Variants in SOX13 observed in about 807,000 individuals in gnomAD.
SOX13 encodes the protein transcription factor SOX-13.
In SOX13, 28 loss-of-function variants were observed where a neutral mutation model predicts 71.8. The observed-to-expected ratio is 0.39, with a 90% CI of 0.29 to 0.53. The LOEUF (loss-of-function observed/expected upper bound fraction) is 0.53. Ranked by LOEUF, SOX13 falls within the 20% of genes least tolerant of loss-of-function variation. The pLI is 0.70. For missense variants in SOX13, 627 were observed against 810.3 expected (o/e 0.77, Z 2.75); for synonymous variants, 309 against 317.8 (o/e 0.97, Z 0.29).
intron 1 of SOX13, among the ~76,000 whole-genome samples, chr1:204,087,777 TTTG>T (rs1656055453): frequency 5.3e-5 from 8 of 152,216 alleles, no homozygotes; most frequent in Non-Finnish European, 8.8e-5. Flanking sequence ...AGTCAGACAC[TTTG>T]CCACAGCCCC....
At chr1:204,082,729 C>A (rs1002157603) in intron 1 of SOX13, among the ~76,000 whole-genome samples, 2 of 152,066 alleles carry the variant, frequency 1.3e-5, no homozygotes, top group African/African-American at 4.8e-5. Context: ...CTCCTAGGGA[C>A]CAGAACAGGA....
At chr1:204,085,695 C>A (rs1656001652) in intron 1 of SOX13, among the ~76,000 whole-genome samples, 1 of 151,138 alleles carries the variant, frequency 6.6e-6, no homozygotes, top group Admixed American at 6.6e-5. Flanking sequence ...AAAAAAAGAT[C>A]CAGGCCTGGT....
At chr1:204,109,171 G>A (rs995682511) in intron 1 of SOX13, among the ~76,000 whole-genome samples, 17 of 152,290 alleles carry the variant, frequency 1.1e-4, no homozygotes, top group Middle Eastern at 3.4e-3. Flanking sequence ...GGTGGGATGG[G>A]GCCTTTGTAC....
chr1:204,123,031 C>T lies in SOX13; in HGVS notation c.1134+68C>T. ...GGTGGCCAGGAGTGGAAGACACAGT[C>T]TGAGGCCACCAAGAGAGGAGCATGG... On this transcript the variant is annotated intron_variant, in intron 10 of 13. Coordinates refer to ENST00000367204, the MANE Select transcript of SOX13 (RefSeq NM_005686.3). This position sits in a 1 kb window ranked among gnomAD's most constrained non-coding sequence, Gnocchi z 5.0. 2.7e-6 allele frequency: 4 copies of T among 1,504,678 alleles called. No individual in the cohort carries two copies. In the South Asian group the frequency reaches 4.6e-5, roughly 17 times the overall value. The allele number at this position is 1,504,678 out of a possible 1,614,324, so 93.2% of individuals were successfully genotyped here. A position where few individuals can be genotyped will look rare whatever the true frequency, so the allele number is the denominator to read the frequency against.
intron 1 of SOX13, among the ~76,000 whole-genome samples, chr1:204,095,038 G>T (rs1656223652): frequency 6.6e-6 from 1 of 152,140 alleles, no homozygotes; most frequent in Non-Finnish European, 1.5e-5. Flanking sequence ...CTGGTTTAGA[G>T]CTTCAGTCTG....
chr1:204,083,715 C>T (rs1655957184), intron 1 of SOX13, among the ~76,000 whole-genome samples: 1 of 152,174 alleles, frequency 6.6e-6, no homozygotes, highest in Non-Finnish European at 1.5e-5. Flanking sequence ...TCTGGTCCTC[C>T]GTCCCTGAGG....
intron 1 of SOX13, among the ~76,000 whole-genome samples, chr1:204,075,438 A>G (rs4951300): frequency 0.86 from 131,439 of 152,318 alleles, 56,929 homozygotes; most frequent in African/African-American, 0.91. Flanking sequence ...AAAGCGCTTC[A>G]CAAGATGCTG....
At chr1:204,083,504 G>A (rs971586954) in intron 1 of SOX13, among the ~76,000 whole-genome samples, 1 of 152,050 alleles carries the variant, frequency 6.6e-6, no homozygotes, top group African/African-American at 2.4e-5. Flanking sequence ...CTTGCCCTTC[G>A]GGATCCGTGC....
chr1:204,111,195 C>T (rs1656573721), intron 1 of SOX13, among the ~76,000 whole-genome samples: 1 of 152,194 alleles, frequency 6.6e-6, no homozygotes, highest in South Asian at 2.1e-4. Context: ...CTTACTGGTG[C>T]CACAAACTAT....
chr1:204,117,761 GGAAAGCGCC>G, intron 7 of SOX13, 54 bp downstream of exon 7: 2 of 1,232,944 alleles, frequency 1.6e-6, no homozygotes, highest in Non-Finnish European at 2.3e-6. Flanking sequence ...CTGAGGTCAG[GGAAAGCGCC>G]CTGGAGCCAC....
At chr1:204,094,526 C>A (rs1034641512) in intron 1 of SOX13, among the ~76,000 whole-genome samples, 4 of 152,184 alleles carry the variant, frequency 2.6e-5, no homozygotes, top group Non-Finnish European at 4.4e-5. Context: ...GGAAGGGAAG[C>A]ACTGCAGGGA....
chr1:204,121,463 T>C (rs1227110607), intron 7 of SOX13, among the ~76,000 whole-genome samples: 1 of 152,244 alleles, frequency 6.6e-6, no homozygotes, highest in Non-Finnish European at 1.5e-5. Context: ...GGGATGATGA[T>C]GTATTCAGCC....
chr1:204,122,849 C>T lies in SOX13; in HGVS notation c.1025-5C>T, dbSNP rs1656837800. On this transcript the variant is annotated splice_polypyrimidine_tract_variant and splice_region_variant and intron_variant, in intron 9 of 13. Transcript: ENST00000367204. ...CTCTTCCCTCTCTTCTGCCCTCTCCCACAGGCTTCCTTGGTGAAGGGGACG... is the reference window on the plus strand; with the variant it reads ...CTCTTCCCTCTCTTCTGCCCTCTCCTACAGGCTTCCTTGGTGAAGGGGACG... 6.5e-7 allele frequency: 1 copy of T among 1,542,426 alleles called. No homozygotes were observed. Among genetic ancestry groups the T allele is most frequent in the Non-Finnish European group, 8.8e-7 (1 of 1,138,266 alleles).
Position 204,122,969 on chromosome 1 carries a change from G to A in SOX13, c.1134+6G>A. 1 of 1,569,408 alleles carries A rather than the reference G, an allele frequency of 6.4e-7. No homozygotes were observed. The highest frequency in any genetic ancestry group is 8.7e-7 in the Non-Finnish European group (1 of 1,148,036). ...CCAACACCCCCTTCCGTAAGGTATG[G>A]TCCCCCACTCCCTTGAGCCTAGGGG... On this transcript the variant is annotated splice_donor_region_variant and intron_variant, in intron 10 of 13. Coordinates refer to ENST00000367204, the MANE Select transcript of SOX13 (RefSeq NM_005686.3).
At chr1:204,084,750 A>C (rs1417531756) in intron 1 of SOX13, among the ~76,000 whole-genome samples, 3 of 151,744 alleles carry the variant, frequency 2.0e-5, no homozygotes, top group South Asian at 2.1e-4. Flanking sequence ...CAGGTCAGCC[A>C]GGGGATGCTG....
intron 1 of SOX13, among the ~76,000 whole-genome samples, chr1:204,097,786 G>T (rs1656282791): frequency 6.6e-6 from 1 of 151,984 alleles, no homozygotes; most frequent in African/African-American, 2.4e-5. Context: ...ATAGAAATAG[G>T]CCAAATTGTT....
chr1:204,122,219 C>T lies in SOX13; in HGVS notation c.862-18C>T, dbSNP rs942659715. 2.4e-5 allele frequency: 38 copies of T among 1,554,534 alleles called. No homozygotes were observed. The highest frequency in any genetic ancestry group is 2.8e-5 in the Non-Finnish European group (32 of 1,150,474). The stretch of plus-strand genomic sequence containing the variant: ...CCTTTGGTGTCTGTCATCCTCTGAC[C>T]TGCTGGGTCTCCCTCAGGAGCCCTC... On this transcript the variant is annotated intron_variant, in intron 8 of 13. Transcript: ENST00000367204.
chr1:204,110,902 CA>C (rs35786896), intron 1 of SOX13, among the ~76,000 whole-genome samples: 8,570 of 138,530 alleles, frequency 0.062, 724 homozygotes, highest in African/African-American at 0.2. Context: ...AATCCCCATG[CA>C]AAAAAAAAAA....
In SOX13 at chr1:204,124,726, G is replaced by A; in HGVS notation, c.1461G>A (p.Lys487=). 1 of 1,613,062 alleles carries A rather than the reference G, an allele frequency of 6.2e-7. No individual in the cohort carries two copies. The highest frequency in any genetic ancestry group is 1.6e-4 in the Middle Eastern group (1 of 6,062). ...GGCTGAGCCGGCAGCACCTGGAGAA[G>A]TATCCTGACTACAAGTACAAGCCGC... ...QARLSRQHLE[K]YPDYKYKPRP... The change falls in exon 13 of 14, where the codon AAG becomes AAA. Residue 487 remains lysine (K), a synonymous_variant. Coordinates refer to ENST00000367204, the MANE Select transcript of SOX13 (RefSeq NM_005686.3).
Sources: gnomAD v4.1 joint callset for allele counts (sites outside exome capture counted in the v4.1 genomes callset) on GRCh38, gnomAD v4.1.1 for gene constraint, Gnocchi (gnomAD v3.1) non-coding constraint, MANE v1.5 for transcripts, NCBI Gene and HGNC (gene_info 2026-07-23, HGNC 2026-07-21) for gene names.